PLXNC1: variants seen among roughly 807,000 people sequenced by gnomAD.
PLXNC1 encodes plexin-C1.
In PLXNC1, 75 loss-of-function variants were observed where a neutral mutation model predicts 178.2. The ratio of observed to expected loss-of-function variants is 0.42; its 90% CI spans 0.35 to 0.51. The LOEUF (loss-of-function observed/expected upper bound fraction) is 0.51. Ranked by LOEUF, PLXNC1 falls within the 20% of genes least tolerant of loss-of-function variation. The probability of loss-of-function intolerance (pLI) is 0.02; values close to 1 mark genes in which losing one functional copy is unlikely to be tolerated. For missense variants in PLXNC1, 1,503 were observed against 1,984.4 expected, an observed-to-expected ratio of 0.76 and a Z score of 4.61; for synonymous variants, 790 against 779.9, an observed-to-expected ratio of 1.01 and a Z score of -0.22.
chr12:94,278,838 A>G (rs1196154425), intron 21 of PLXNC1, among the ~76,000 whole-genome samples: 1 of 152,162 alleles, frequency 6.6e-6, no homozygotes, highest in African/African-American at 2.4e-5. Flanking sequence ...TCTACTAAAA[A>G]AATACAAAAA....
In PLXNC1 at chr12:94,303,011, T is replaced by C. The variant is rs552012820; in HGVS notation, c.4387-745T>C. Among the ~76,000 whole-genome samples the C allele has an allele frequency of 2.6e-5, 4 of 152,372 alleles. No individual in the cohort carries two copies. The South Asian group carries it at 8.3e-4, about 32-fold the overall frequency. ...GATTCATCAAGCCATTGATTCAGCCTCATGGGCTGGGACATTAGCCCTATC... is the reference window on the plus strand; with the variant it reads ...GATTCATCAAGCCATTGATTCAGCCCCATGGGCTGGGACATTAGCCCTATC... On this transcript the variant is annotated intron_variant, in intron 28 of 30. Transcript: ENST00000258526.
intron 8 of PLXNC1, among the ~76,000 whole-genome samples, 172 bp from the exon 9 acceptor site, chr12:94,226,977 C>G (rs1481199290): frequency 2.0e-5 from 3 of 146,894 alleles, no homozygotes; most frequent in African/African-American, 7.9e-5. Context: ...GAGCCGAGAT[C>G]GCGCCACTGC....
rs1282999030 is a variant in PLXNC1 at position 94,148,594 on chromosome 12, C to G, written c.-378C>G. 1 of 151,618 alleles carries G rather than the reference C, an allele frequency of 6.6e-6. No homozygotes were observed. Among genetic ancestry groups the G allele is most frequent in the Non-Finnish European group, 1.5e-5 (1 of 67,832 alleles). The allele number at this position is 151,618 out of a possible 1,614,324, so 9.4% of individuals were successfully genotyped here. On this transcript the variant is annotated 5_prime_UTR_variant, in exon 1 of 31. Coordinates refer to ENST00000258526, the MANE Select transcript of PLXNC1 (RefSeq NM_005761.3). This position sits in a 1 kb window ranked among gnomAD's most constrained non-coding sequence, Gnocchi z 4.8. ...CCACTTTCACAATGGGAAAGTGAAACGCACAAGCGCACCCAACCTCTCCAG... is the reference window on the plus strand; with the variant it reads ...CCACTTTCACAATGGGAAAGTGAAAGGCACAAGCGCACCCAACCTCTCCAG...
At chr12:94,281,260 T>G (rs1966418647) in intron 22 of PLXNC1, among the ~76,000 whole-genome samples, 1 of 151,962 alleles carries the variant, frequency 6.6e-6, no homozygotes, top group East Asian at 1.9e-4. Flanking sequence ...GCCTGGGCAA[T>G]GGAGGGAGAC....
chr12:94,264,049 G>A (rs1368773496), intron 20 of PLXNC1, among the ~76,000 whole-genome samples: 4 of 152,156 alleles, frequency 2.6e-5, no homozygotes, highest in African/African-American at 7.2e-5. Context: ...CCCCAGCCAC[G>A]TGGCTGGCCT....
intron 4 of PLXNC1, among the ~76,000 whole-genome samples, chr12:94,204,425 A>T (rs992277736): frequency 2.0e-5 from 3 of 152,222 alleles, no homozygotes; most frequent in African/African-American, 7.2e-5. Context: ...GGCATGTTAG[A>T]TGTTTTTGCT....
intron 4 of PLXNC1, among the ~76,000 whole-genome samples, chr12:94,193,029 G>A (rs1962781499): frequency 6.6e-6 from 1 of 152,178 alleles, no homozygotes; most frequent in Non-Finnish European, 1.5e-5. Context: ...TGGAGGAAGG[G>A]ATATCTAATC....
chr12:94,215,055 C>A (rs1036275278), intron 5 of PLXNC1, among the ~76,000 whole-genome samples: 1 of 152,168 alleles, frequency 6.6e-6, no homozygotes, highest in Admixed American at 6.5e-5. Flanking sequence ...CACCACCAAG[C>A]CTGGCTAATT....
chr12:94,265,335 C>T (rs1473478914), intron 21 of PLXNC1, 110 bp downstream of exon 21: 2 of 944,902 alleles, frequency 2.1e-6, no homozygotes, highest in Non-Finnish European at 3.2e-6. Context: ...CTGCGGGAGG[C>T]CCTGTGTGTT....
intron 15 of PLXNC1, among the ~76,000 whole-genome samples, chr12:94,253,211 GA>G (rs35584186): frequency 5.4e-3 from 226 of 41,986 alleles, no homozygotes; most frequent in Non-Finnish European, 9.0e-3. Flanking sequence ...CTCCGTCTCA[GA>G]AAAAAAAAAA....
At chr12:94,214,188 G>T (rs1963576991) in intron 5 of PLXNC1, among the ~76,000 whole-genome samples, 1 of 151,636 alleles carries the variant, frequency 6.6e-6, no homozygotes, top group Admixed American at 6.6e-5. Flanking sequence ...GGGCTCAAAG[G>T]ATCCTCCCAC....
chr12:94,228,284 C>A (rs1189641681), intron 9 of PLXNC1, among the ~76,000 whole-genome samples: 1 of 152,184 alleles, frequency 6.6e-6, no homozygotes, highest in Non-Finnish European at 1.5e-5. Flanking sequence ...CTCCTTTTCT[C>A]ATCCCATTGG....
intron 28 of PLXNC1, among the ~76,000 whole-genome samples, chr12:94,301,883 C>T (rs1428459906): frequency 1.3e-5 from 2 of 152,180 alleles, no homozygotes; most frequent in Non-Finnish European, 2.9e-5. Context: ...CCTCTTCCTT[C>T]CAACCTCTAT....
In PLXNC1 at chr12:94,254,809, C is replaced by T. The variant is rs771278316; in HGVS notation, c.2904C>T (p.His968=). 1 of 1,604,916 alleles carries T rather than the reference C, an allele frequency of 6.2e-7. No individual in the cohort carries two copies. The highest frequency in any genetic ancestry group is 1.7e-5 in the Admixed American group (1 of 57,632). The change falls in exon 16 of 31, where the codon CAC becomes CAT. Residue 968 remains histidine, a synonymous_variant. Coordinates refer to ENST00000258526, the MANE Select transcript of PLXNC1 (RefSeq NM_005761.3). ...VIFAAVGVTR[H]KSKELSRKQS... ...TAGCGGCCGTGGGGGTGACCAGGCA[C>T]AAATCGAAGGAGCTGAGTCGCAAAC...
At chr12:94,191,808 A>G (rs17022152) in intron 4 of PLXNC1, among the ~76,000 whole-genome samples, 1 of 151,948 alleles carries the variant, frequency 6.6e-6, no homozygotes, top group East Asian at 1.9e-4. Context: ...ATAAGTAGAT[A>G]AAAAGCAATT....
chr12:94,252,482 A>G (rs184206487), intron 15 of PLXNC1, among the ~76,000 whole-genome samples: 1 of 152,198 alleles, frequency 6.6e-6, no homozygotes, highest in Non-Finnish European at 1.5e-5. Flanking sequence ...TCATCTCTTA[A>G]AGTGGTCCCG....
chr12:94,238,584 T>G (rs946583275), intron 10 of PLXNC1, among the ~76,000 whole-genome samples: 3 of 152,198 alleles, frequency 2.0e-5, no homozygotes, highest in Non-Finnish European at 4.4e-5. Flanking sequence ...TGGGCTAATT[T>G]GAAGTAAAAG....
In PLXNC1 at chr12:94,240,489, C is replaced by A; in HGVS notation, c.2125C>A (p.Gln709Lys). 6.2e-7 allele frequency: 1 copy of A among 1,611,978 alleles called. No homozygotes were observed. The change falls in exon 11 of 31, where the codon CAG becomes AAG. Residue 709 changes from glutamine (Q) to lysine (K), a missense_variant. Around this residue, in one of 4 missense-constraint regions of PLXNC1, gnomAD observed 615 missense variants for 698.6 expected, o/e 0.88. Transcript: ENST00000258526. ...TCTTTTTCTACTCTTTTCTAGGATA[C>A]AGGTTAGCCATGTGCTAAATGACAC... is the stretch of plus-strand genomic sequence containing the variant. The part of the protein sequence containing the change: ...GTSTCDKDVI[Q>K]VSHVLNDTHM...
In PLXNC1 at chr12:94,260,306, C is replaced by T. The variant is rs781697484; in HGVS notation, c.3252-336C>T. Reference sequence around the variant, plus strand: ...CTCCTGACCTCAGGTGATCTGCCTGCTTTAGACTCCTAAAGTGCTGGGATT... The same window carrying T: ...CTCCTGACCTCAGGTGATCTGCCTGTTTTAGACTCCTAAAGTGCTGGGATT... On this transcript the variant is annotated intron_variant, in intron 19 of 30. Coordinates refer to ENST00000258526, the MANE Select transcript of PLXNC1 (RefSeq NM_005761.3). The surrounding 1 kb of genome is among the most constrained non-coding windows in gnomAD (Gnocchi z 4.4). Among the ~76,000 whole-genome samples, 11 of 152,074 alleles carry T rather than the reference C, an allele frequency of 7.2e-5. No homozygotes were observed. Among genetic ancestry groups the T allele is most frequent in the East Asian group, 1.9e-4 (1 of 5,192 alleles).
Sources: allele counts gnomAD v4.1 joint callset (sites outside exome capture counted in the v4.1 genomes callset), GRCh38; gene constraint gnomAD v4.1.1; regional missense constraint gnomAD v4.1.1; non-coding constraint Gnocchi (gnomAD v3.1); transcripts MANE v1.5; gene names NCBI Gene and HGNC (gene_info 2026-07-23, HGNC 2026-07-21).